Variants in SMC3 observed in about 807,000 individuals in gnomAD.
SMC3 encodes structural maintenance of chromosomes protein 3.
SMC3 carries 20 observed loss-of-function variants against 171.8 expected under a neutral mutation model. The ratio of observed to expected loss-of-function variants is 0.12; its 90% confidence interval spans 0.08 to 0.17. SMC3 has a LOEUF of 0.17. Among genes scored for constraint, SMC3 ranks in the 10% least tolerant of loss-of-function variants. SMC3 has a pLI of 1.00. For missense variants in SMC3, 543 were observed against 1,420.4 expected, an observed-to-expected ratio of 0.38 and a Z score of 9.93; for synonymous variants, 464 against 451.1, an observed-to-expected ratio of 1.03 and a Z score of -0.36.
rs990979155 is a variant in SMC3, at chr10:110,567,757, C to T, written c.-60C>T. On this transcript the variant is annotated 5_prime_UTR_variant, in exon 1 of 29. Transcript: ENST00000361804. Reference sequence around the variant, plus strand: ...GGTCGCGTAGGCGCCTCACCTGACCCTGCGGCCGTGCGGTTGCTGCTCCGG... The same window carrying T: ...GGTCGCGTAGGCGCCTCACCTGACCTTGCGGCCGTGCGGTTGCTGCTCCGG... The T allele has an allele frequency of 6.8e-6, 11 of 1,609,712 alleles. No homozygotes were observed. The highest frequency in any genetic ancestry group is 9.3e-6 in the Non-Finnish European group (11 of 1,176,848).
chr10:110,577,760 C>G, intron 5 of SMC3, 75 bp from the exon 6 acceptor site: 2 of 996,502 alleles, frequency 2.0e-6, no homozygotes, highest in Non-Finnish European at 3.1e-6. Context: ...TGGGCAAGGA[C>G]TTTAAAATGA....
In SMC3 at chr10:110,601,056, C is replaced by A; in HGVS notation, c.2570C>A (p.Thr857Asn). Reference protein sequence around the residue: ...LNELRETEGGTVLTATTSELE... With the variant: ...LNELRETEGGNVLTATTSELE... ...GAGCTGAGAGAGACAGAAGGGGGTACTGTTCTCACAGCCACAACATCAGAA... is the reference window on the plus strand; with the variant it reads ...GAGCTGAGAGAGACAGAAGGGGGTAATGTTCTCACAGCCACAACATCAGAA... The change falls in exon 23 of 29, where the codon ACT becomes AAT. Residue 857 changes from threonine to asparagine, a missense_variant. By Grantham distance (65) the Thr-to-Asn change is moderately conservative. This residue lies in a region of SMC3 where 33 missense variants were observed against 33.6 expected (regional missense o/e 0.98). Coordinates refer to ENST00000361804, the MANE Select transcript of SMC3 (RefSeq NM_005445.4). The A allele has an allele frequency of 6.2e-7, 1 of 1,613,376 alleles. No homozygotes were observed. Among genetic ancestry groups the A allele is most frequent in the Non-Finnish European group, 8.5e-7 (1 of 1,179,538 alleles).
chr10:110,601,574 T>A (rs545108640), intron 23 of SMC3, 63 bp from the exon 24 acceptor site: 2 of 1,533,854 alleles, frequency 1.3e-6, no homozygotes, highest in Admixed American at 3.5e-5. Context: ...TAAAAATCTA[T>A]ACTCAACATA....
intron 2 of SMC3, 62 bp downstream of exon 2, chr10:110,569,075 C>T (rs1860827137): frequency 2.9e-6 from 3 of 1,040,836 alleles, no homozygotes; most frequent in African/African-American, 1.6e-5. Flanking sequence ...AAATTCTGTC[C>T]ATTTCTATAT....
At chr10:110,604,063 C>T (rs960700679) in intron 28 of SMC3, among the ~76,000 whole-genome samples, 168 bp from the exon 29 acceptor site, 1 of 137,442 alleles carries the variant, frequency 7.3e-6, no homozygotes, top group South Asian at 2.2e-4. Flanking sequence ...CCACTGCACT[C>T]CAGCCTGGGC....
At chr10:110,597,271 GT>G (rs576711079) in intron 19 of SMC3, among the ~76,000 whole-genome samples, 14 of 147,216 alleles carry the variant, frequency 9.5e-5, no homozygotes, top group South Asian at 2.1e-4. Flanking sequence ...AGTAGCCATA[GT>G]TTTTTTTTTT....
chr10:110,582,452 T>G, intron 9 of SMC3, 110 bp from the exon 10 acceptor site: 1 of 786,434 alleles, frequency 1.3e-6, no homozygotes, highest in South Asian at 1.7e-5. Flanking sequence ...TTGTAGAAAA[T>G]TTGAGCAGTT....
chr10:110,583,713 T>TA (rs1360118035), intron 11 of SMC3, 128 bp from the exon 12 acceptor site: 2 of 1,230,604 alleles, frequency 1.6e-6, no homozygotes, highest in African/African-American at 1.5e-5. Flanking sequence ...CTTTGTTTCT[T>TA]ACATTAAAAA....
chr10:110,593,886 G>A (rs1024354157), intron 18 of SMC3, among the ~76,000 whole-genome samples: 4 of 151,748 alleles, frequency 2.6e-5, no homozygotes, highest in African/African-American at 9.7e-5. Flanking sequence ...AACTCAGAAG[G>A]CTGAGGCATG....
chr10:110,581,743 T>A (rs529064646), intron 8 of SMC3, among the ~76,000 whole-genome samples, 180 bp from the exon 9 acceptor site: 1 of 152,368 alleles, frequency 6.6e-6, no homozygotes, highest in South Asian at 2.1e-4. Flanking sequence ...GAAAAAAATT[T>A]GCAACCTCTG....
chr10:110,587,170 G>T (rs1001812980), intron 13 of SMC3, among the ~76,000 whole-genome samples: 2 of 152,208 alleles, frequency 1.3e-5, no homozygotes, highest in Admixed American at 6.5e-5. Flanking sequence ...AGCAACTGCT[G>T]TGGAGAAGGG....
intron 10 of SMC3, among the ~76,000 whole-genome samples, chr10:110,582,901 C>T (rs1170841299): frequency 6.6e-6 from 1 of 150,754 alleles, no homozygotes; most frequent in Non-Finnish European, 1.5e-5. Context: ...CTCCTGGGCT[C>T]AAGTGGTCCT....
chr10:110,596,779 C>T (rs1170171683), intron 19 of SMC3, among the ~76,000 whole-genome samples: 1 of 150,868 alleles, frequency 6.6e-6, no homozygotes, highest in Admixed American at 6.6e-5. Context: ...ACCCATAGAA[C>T]ACAAAAATAA....
chr10:110,591,325 T>C (rs1195438814), intron 17 of SMC3, among the ~76,000 whole-genome samples, 193 bp downstream of exon 17: 1 of 152,078 alleles, frequency 6.6e-6, no homozygotes, highest in Admixed American at 6.6e-5. Context: ...CTATGATTGG[T>C]GTGGTGATGC....
rs1486819583 is a variant in SMC3, at chr10:110,567,780, C to A, written c.-37C>A. 1 of 1,613,150 alleles carries A rather than the reference C, an allele frequency of 6.2e-7. No individual in the cohort carries two copies. Among genetic ancestry groups the A allele is most frequent in the Non-Finnish European group, 8.5e-7 (1 of 1,179,630 alleles). On this transcript the variant is annotated 5_prime_UTR_variant, in exon 1 of 29. Coordinates refer to ENST00000361804, the MANE Select transcript of SMC3 (RefSeq NM_005445.4). The stretch of plus-strand genomic sequence containing the variant: ...CCCTGCGGCCGTGCGGTTGCTGCTC[C>A]GGGGCAGGTCTCCTTCCAGGCCAGG...
chr10:110,593,342 C>T (rs558252203), intron 18 of SMC3, 119 bp downstream of exon 18: 6 of 997,944 alleles, frequency 6.0e-6, no homozygotes, highest in African/African-American at 1.6e-5. Context: ...GAGGCTGAGG[C>T]GGGTGGATCA....
At chr10:110,594,262 TAAATTA>T (rs940903321) in intron 18 of SMC3, among the ~76,000 whole-genome samples, 4 of 151,704 alleles carry the variant, frequency 2.6e-5, no homozygotes, top group Admixed American at 2.0e-4. Context: ...TTTTAATGCA[TAAATTA>T]AAATACTTTG....
chr10:110,567,874 G>T (rs774636733), intron 1 of SMC3, 43 bp downstream of exon 1: 2 of 1,612,022 alleles, frequency 1.2e-6, no homozygotes, highest in Admixed American at 1.7e-5. Context: ...GGCCGGTAAG[G>T]GCCGCTCCTT....
Position 110,580,940 on chromosome 10 carries a change from T to C in SMC3, c.466T>C (p.Leu156=). The change falls in exon 8 of 29, where the codon TTA becomes CTA. Residue 156 remains leucine, a synonymous_variant. Coordinates refer to ENST00000361804, the MANE Select transcript of SMC3 (RefSeq NM_005445.4). Reference sequence around the variant, plus strand: ...GGCAACAGCACCAGATTCTCAGAGATTAAAGCTATTAAGAGAAGTAGCTGG... The same window carrying C: ...GGCAACAGCACCAGATTCTCAGAGACTAAAGCTATTAAGAGAAGTAGCTGG... ...QMATAPDSQR[L]KLLREVAGTR... The C allele has an allele frequency of 6.2e-7, 1 of 1,611,000 alleles. No individual in the cohort carries two copies. The highest frequency in any genetic ancestry group is 1.1e-5 in the South Asian group (1 of 91,014).
Sources: allele counts gnomAD v4.1 joint callset (sites outside exome capture counted in the v4.1 genomes callset), GRCh38; gene constraint gnomAD v4.1.1; regional missense constraint gnomAD v4.1.1; transcripts MANE v1.5; gene names NCBI Gene and HGNC (gene_info 2026-07-23, HGNC 2026-07-21).